RSPO2: variants seen among roughly 807,000 people sequenced by gnomAD.
RSPO2 encodes the protein R-spondin-2.
A neutral mutation model predicts 30.9 loss-of-function variants in RSPO2; 14 were observed. The ratio of observed to expected loss-of-function variants is 0.45; its 90% confidence interval spans 0.30 to 0.71. RSPO2 has a LOEUF of 0.71. Among genes scored for constraint, RSPO2 ranks in the 30% least tolerant of loss-of-function variants. The probability of loss-of-function intolerance (pLI) is 0.08; values close to 1 mark genes in which losing one functional copy is unlikely to be tolerated. For missense variants in RSPO2, 264 were observed against 301.9 expected, an observed-to-expected ratio of 0.87 and a Z score of 0.93; for synonymous variants, 107 against 96.4, an observed-to-expected ratio of 1.11 and a Z score of -0.64.
chr8:108,068,129 C>T (rs1157291875), intron 2 of RSPO2, among the ~76,000 whole-genome samples: 3 of 151,596 alleles, frequency 2.0e-5, no homozygotes, highest in African/African-American at 7.3e-5. Context: ...TAGAGATGAA[C>T]AGCAAGAAGC....
At chr8:108,043,658 T>C (rs891284335) in intron 2 of RSPO2, among the ~76,000 whole-genome samples, 15 of 151,976 alleles carry the variant, frequency 9.9e-5, no homozygotes, top group African/African-American at 3.1e-4. Flanking sequence ...CATTCTCTCA[T>C]TCCATGTTTA....
At chr8:108,037,374 T>C (rs1811629175) in intron 2 of RSPO2, among the ~76,000 whole-genome samples, 1 of 152,200 alleles carries the variant, frequency 6.6e-6, no homozygotes, top group Non-Finnish European at 1.5e-5. Context: ...TCTTTAACTC[T>C]ACAAAGACTG....
At chr8:107,945,745 C>G (rs907323258) in intron 5 of RSPO2, among the ~76,000 whole-genome samples, 1 of 152,148 alleles carries the variant, frequency 6.6e-6, no homozygotes, top group Non-Finnish European at 1.5e-5. Context: ...GGTCTATATT[C>G]TGAAGTCTCA....
At chr8:108,069,868 G>C in intron 2 of RSPO2, among the ~76,000 whole-genome samples, 1 of 152,100 alleles carries the variant, frequency 6.6e-6, no homozygotes, top group East Asian at 1.9e-4. Flanking sequence ...GGGTTTTTAA[G>C]CCTATTATGC....
intron 5 of RSPO2, among the ~76,000 whole-genome samples, chr8:107,925,775 G>A (rs1812348799): frequency 6.6e-6 from 1 of 152,174 alleles, no homozygotes; most frequent in South Asian, 2.1e-4. Context: ...TGGTGCATAT[G>A]TGCCACATTT....
rs1563596895 is a variant in RSPO2, at chr8:108,083,567, A to G, written c.-540T>C. ...TAGAAGGCAGAACGCTCTCGGGAGG[A>G]CGAAGTGATCCGAAGGGATGTGGCA... is the stretch of plus-strand genomic sequence containing the variant. On this transcript the variant is annotated 5_prime_UTR_variant, in exon 1 of 6. Transcript: ENST00000276659. 1 of 152,272 alleles carries G rather than the reference A, an allele frequency of 6.6e-6. No individual in the cohort carries two copies. Among genetic ancestry groups the G allele is most frequent in the Non-Finnish European group, 1.5e-5 (1 of 68,112 alleles). 9.4% of individuals were successfully genotyped at this position (152,272 alleles called of 1,614,324 possible).
chr8:108,059,810 C>T (rs1217906867), intron 2 of RSPO2, among the ~76,000 whole-genome samples: 1 of 135,076 alleles, frequency 7.4e-6, no homozygotes, highest in African/African-American at 2.8e-5. Context: ...AATGAGAACA[C>T]ATGGACACAG....
intron 5 of RSPO2, among the ~76,000 whole-genome samples, chr8:107,934,950 T>C (rs1224879072): frequency 6.6e-6 from 1 of 152,172 alleles, no homozygotes; most frequent in Non-Finnish European, 1.5e-5. Flanking sequence ...CTCAGAACCC[T>C]GTGATGATTG....
At chr8:107,940,334 G>T (rs959058911) in intron 5 of RSPO2, among the ~76,000 whole-genome samples, 1 of 152,132 alleles carries the variant, frequency 6.6e-6, no homozygotes, top group Non-Finnish European at 1.5e-5. Flanking sequence ...ACACTAGCCA[G>T]AAATGCAAAT....
chr8:108,018,872 AAAC>A (rs1810973675), intron 2 of RSPO2, among the ~76,000 whole-genome samples: 1 of 152,220 alleles, frequency 6.6e-6, no homozygotes, highest in Admixed American at 6.5e-5. Context: ...TATTTTAAGA[AAAC>A]AACGTTCATG....
At chr8:108,003,488 C>T (rs1462774104) in intron 2 of RSPO2, among the ~76,000 whole-genome samples, 2 of 150,740 alleles carry the variant, frequency 1.3e-5, no homozygotes, top group Non-Finnish European at 3.0e-5. Context: ...AACCACTGGT[C>T]TGCATTTAAC....
intron 2 of RSPO2, among the ~76,000 whole-genome samples, chr8:108,066,638 A>C (rs1199567956): frequency 2.0e-5 from 3 of 152,204 alleles, no homozygotes; most frequent in African/African-American, 4.8e-5. Context: ...ATTAAAATGG[A>C]AGAAAATAAG....
At chr8:108,003,210 CCTGG>C (rs1253882532) in intron 2 of RSPO2, among the ~76,000 whole-genome samples, 13 of 144,322 alleles carry the variant, frequency 9.0e-5, no homozygotes, top group Admixed American at 7.1e-5. Flanking sequence ...CACCATCACA[CCTGG>C]CTAATTTTGT....
intron 2 of RSPO2, among the ~76,000 whole-genome samples, chr8:108,039,289 T>TTAATAGTAA (rs1811686299): frequency 6.6e-6 from 1 of 152,322 alleles, no homozygotes; most frequent in South Asian, 2.1e-4. Context: ...TCCTCACTAC[T>TTAATAGTAA]TAATAGTAAT....
chr8:107,951,073 T>C (rs1312790905), intron 5 of RSPO2, among the ~76,000 whole-genome samples: 2 of 151,012 alleles, frequency 1.3e-5, no homozygotes, highest in African/African-American at 2.5e-5. Flanking sequence ...TTGTTGTTGT[T>C]GTTGTTGTTT....
intron 5 of RSPO2, among the ~76,000 whole-genome samples, chr8:107,940,766 C>T (rs1181668245): frequency 6.6e-6 from 1 of 152,114 alleles, no homozygotes; most frequent in Non-Finnish European, 1.5e-5. Context: ...TTAATGGAAA[C>T]AGCTATTTGC....
At position 107,989,141 on chromosome 8, in the gene RSPO2, T is replaced by C. The variant is rs189754456; in HGVS notation, c.198A>G (p.Glu66=). The change falls in exon 3 of 6, where the codon GAA becomes GAG. Residue 66 remains glutamate, a synonymous_variant. Transcript: ENST00000276659. Reference sequence around the variant, plus strand: ...GGCACTCTCCATACTGGCGCATCCCTTCTCTTCGAAGGAAGAAGAACAACT... The same window carrying C: ...GGCACTCTCCATACTGGCGCATCCCCTCTCTTCGAAGGAAGAAGAACAACT... ...QQKLFFFLRR[E]GMRQYGECLH... 1 of 1,612,454 alleles carries C rather than the reference T, an allele frequency of 6.2e-7. No individual in the cohort carries two copies. The highest frequency in any genetic ancestry group is 1.3e-5 in the African/African-American group (1 of 74,804).
chr8:108,015,447 C>T (rs530708643), intron 2 of RSPO2, among the ~76,000 whole-genome samples: 1 of 152,252 alleles, frequency 6.6e-6, no homozygotes, highest in South Asian at 2.1e-4. Context: ...TGAACCATGG[C>T]AAAGACTCTC....
chr8:107,899,627 TG>T lies in RSPO2; in HGVS notation c.*1447del, dbSNP rs1373559906. The T allele has an allele frequency of 6.6e-6, 1 of 151,718 alleles. No individual in the cohort carries two copies. The highest frequency in any genetic ancestry group is 1.5e-5 in the Non-Finnish European group (1 of 67,772). The allele number at this position is 151,718 out of a possible 1,614,324, so 9.4% of individuals were successfully genotyped here. The stretch of plus-strand genomic sequence containing the variant: ...AAGAGGTAGTTTTGCCAATGCAAGG[TG>T]AAAAAAAAAAGGCTTTACCTTGCTT... On this transcript the variant is annotated 3_prime_UTR_variant, in exon 6 of 6. Transcript: ENST00000276659.
Sources: allele counts gnomAD v4.1 joint callset (sites outside exome capture counted in the v4.1 genomes callset), GRCh38; gene constraint gnomAD v4.1.1; transcripts MANE v1.5; gene names NCBI Gene and HGNC (gene_info 2026-07-23, HGNC 2026-07-21).